GABRG3: variants seen among roughly 807,000 people sequenced by gnomAD.
GABRG3 encodes gamma-aminobutyric acid receptor subunit gamma-3.
A neutral mutation model predicts 48.8 loss-of-function variants in GABRG3; 25 were observed. The ratio of observed to expected loss-of-function variants is 0.51; its 90% confidence interval spans 0.37 to 0.72. The LOEUF is 0.72. Ranked by LOEUF, GABRG3 falls within the 30% of genes least tolerant of loss-of-function variation. The probability of loss-of-function intolerance (pLI) is 0.00; values close to 1 mark genes in which losing one functional copy is unlikely to be tolerated. For synonymous variants in GABRG3, 227 were observed against 217.6 expected (o/e 1.04, Z -0.38); for missense variants, 394 against 577.9 (o/e 0.68, Z 3.26).
At chr15:27,206,200 A>G (rs1447394794) in intron 3 of GABRG3, among the ~76,000 whole-genome samples, 1 of 152,128 alleles carries the variant, frequency 6.6e-6, no homozygotes, top group Non-Finnish European at 1.5e-5. Flanking sequence ...AGCACTATAA[A>G]CTTTCCTCTT....
At chr15:27,453,371 A>T (rs947679275) in intron 5 of GABRG3, among the ~76,000 whole-genome samples, 2 of 152,230 alleles carry the variant, frequency 1.3e-5, no homozygotes, top group African/African-American at 4.8e-5. Flanking sequence ...TTTGCAATGT[A>T]TATCAAAATC....
chr15:27,416,604 C>T (rs988444083), intron 5 of GABRG3, among the ~76,000 whole-genome samples: 17 of 152,122 alleles, frequency 1.1e-4, no homozygotes, highest in Non-Finnish European at 1.6e-4. Flanking sequence ...AGGGGGTTTT[C>T]GACGGTTGAG....
intron 3 of GABRG3, among the ~76,000 whole-genome samples, chr15:27,307,010 AAACATGTTT>A (rs1892565652): frequency 8.3e-6 from 1 of 120,628 alleles, no homozygotes; most frequent in African/African-American, 3.7e-5. Context: ...AAACATGTAT[AAACATGTTT>A]ATATATAAAC....
chr15:27,495,514 A>G (rs370604371), intron 6 of GABRG3, among the ~76,000 whole-genome samples: 10 of 152,136 alleles, frequency 6.6e-5, no homozygotes, highest in African/African-American at 2.4e-4. Flanking sequence ...CAGTTTTATA[A>G]TATTTGCTTC....
At chr15:27,128,447 A>T (rs1040183557) in intron 3 of GABRG3, among the ~76,000 whole-genome samples, 4 of 152,094 alleles carry the variant, frequency 2.6e-5, no homozygotes, top group Admixed American at 6.5e-5. Flanking sequence ...TTTTGGGGAG[A>T]TCCATTGAGC....
chr15:27,183,946 A>C (rs984510839), intron 3 of GABRG3, among the ~76,000 whole-genome samples: 1 of 152,210 alleles, frequency 6.6e-6, no homozygotes, highest in East Asian at 1.9e-4. Flanking sequence ...TCCCTCTACC[A>C]TTCTGAGTAA....
chr15:27,398,907 C>T (rs369354164), intron 5 of GABRG3, among the ~76,000 whole-genome samples: 4 of 151,956 alleles, frequency 2.6e-5, no homozygotes, highest in Non-Finnish European at 4.4e-5. Context: ...TATTAAGAGC[C>T]GGGAAGGGGA....
chr15:27,241,195 C>T (rs926396244), intron 3 of GABRG3, among the ~76,000 whole-genome samples: 22 of 152,204 alleles, frequency 1.4e-4, no homozygotes, highest in African/African-American at 5.1e-4. Context: ...CAGATTTTCA[C>T]ATACTATATG....
chr15:27,250,981 G>T (rs1008841473), intron 3 of GABRG3, among the ~76,000 whole-genome samples: 2 of 152,158 alleles, frequency 1.3e-5, no homozygotes, highest in African/African-American at 4.8e-5. Context: ...TTTACAAACT[G>T]CTCGCCATCA....
chr15:26,993,479 C>T (rs928466539), intron 2 of GABRG3, among the ~76,000 whole-genome samples: 2 of 151,936 alleles, frequency 1.3e-5, no homozygotes, highest in Non-Finnish European at 2.9e-5. Context: ...TCTTTCAGGG[C>T]CATATTGTTT....
chr15:27,181,631 G>T (rs945228250), intron 3 of GABRG3, among the ~76,000 whole-genome samples: 19 of 152,190 alleles, frequency 1.2e-4, no homozygotes, highest in African/African-American at 4.3e-4. Context: ...GGAAGCAGTT[G>T]TTTCTCTTTC....
chr15:27,455,588 G>A (rs1263985694), intron 5 of GABRG3, among the ~76,000 whole-genome samples: 2 of 151,600 alleles, frequency 1.3e-5, no homozygotes, highest in African/African-American at 2.4e-5. Context: ...GTGTATGTGT[G>A]CTATGTGTGT....
At chr15:27,075,721 G>A (rs1273436873) in intron 3 of GABRG3, among the ~76,000 whole-genome samples, 1 of 152,186 alleles carries the variant, frequency 6.6e-6, no homozygotes, top group Non-Finnish European at 1.5e-5. Context: ...TTCAGAGGAT[G>A]TATAAGTCAT....
At chr15:27,172,017 C>T (rs376771187) in intron 3 of GABRG3, among the ~76,000 whole-genome samples, 1 of 105,620 alleles carries the variant, frequency 9.5e-6, no homozygotes, top group African/African-American at 4.2e-5. Flanking sequence ...CGGGGCCAAA[C>T]TTACTTTAAT....
chr15:27,394,396 CAT>C (rs1157470460), intron 5 of GABRG3, among the ~76,000 whole-genome samples: 1 of 151,940 alleles, frequency 6.6e-6, no homozygotes, highest in Non-Finnish European at 1.5e-5. Context: ...ATATAAATTA[CAT>C]ATTTATGTAT....
chr15:27,077,244 C>T (rs1896925394), intron 3 of GABRG3, among the ~76,000 whole-genome samples: 1 of 152,108 alleles, frequency 6.6e-6, no homozygotes, highest in Non-Finnish European at 1.5e-5. Context: ...TGTTGCAGCG[C>T]GTTTGTGGTT....
chr15:27,019,055 C>CTT (rs9331868), intron 2 of GABRG3, among the ~76,000 whole-genome samples: 23 of 42,042 alleles, frequency 5.5e-4, no homozygotes, highest in East Asian at 9.9e-4. Context: ...TCCCTAGAGT[C>CTT]TTTTTTTTTT....
At chr15:27,359,160 T>C (rs1406593112) in intron 5 of GABRG3, among the ~76,000 whole-genome samples, 1 of 152,190 alleles carries the variant, frequency 6.6e-6, no homozygotes, top group Non-Finnish European at 1.5e-5. Flanking sequence ...CTGTCAGGTC[T>C]CCCACTGCAC....
intron 5 of GABRG3, among the ~76,000 whole-genome samples, chr15:27,475,262 C>G (rs1000155019): frequency 6.6e-6 from 1 of 152,160 alleles, no homozygotes; most frequent in Admixed American, 6.5e-5. Flanking sequence ...TATACTCTGT[C>G]TCTTCCTTAT....
Sources: gnomAD v4.1 joint callset for allele counts (sites outside exome capture counted in the v4.1 genomes callset) on GRCh38, gnomAD v4.1.1 for gene constraint, MANE v1.5 for transcripts, NCBI Gene and HGNC (gene_info 2026-07-23, HGNC 2026-07-21) for gene names.